Variants in TTC39A observed in about 807,000 individuals in gnomAD.
TTC39A encodes tetratricopeptide repeat protein 39A.
Under a neutral mutation model 82.3 loss-of-function variants are expected in TTC39A, and 46 were observed. The ratio of observed to expected loss-of-function variants is 0.56; its 90% CI spans 0.44 to 0.71. The LOEUF is 0.71. Ranked by LOEUF, TTC39A falls within the 30% of genes least tolerant of loss-of-function variation. TTC39A has a pLI of 0.00. For synonymous variants in TTC39A, 254 were observed against 275.2 expected (o/e 0.92, Z 0.76); for missense variants, 543 against 712.9 (o/e 0.76, Z 2.71).
upstream of TTC39A, chr1:51,331,067 GCCTTCTC>G (rs1240930338): frequency 3.1e-6 from 3 of 980,794 alleles, no homozygotes; most frequent in Non-Finnish European, 3.2e-6. Flanking sequence ...AGTTCACACT[GCCTTCTC>G]AAATGATCCC....
intron 3 of TTC39A, among the ~76,000 whole-genome samples, 165 bp from the exon 4 acceptor site, chr1:51,312,360 T>C (rs879168285): frequency 6.6e-6 from 1 of 152,102 alleles, no homozygotes; most frequent in Non-Finnish European, 1.5e-5. Flanking sequence ...GGCAAAAAAG[T>C]CACTTAACTT....
rs1645849749 is a variant in TTC39A, at chr1:51,330,131, A to T, written c.41+306T>A. ...AGAGTAACAGGGCCCACCCCACAGGAGTGAACGCCACGAGGCAGGTGGGGA... is the reference window on the plus strand; with the variant it reads ...AGAGTAACAGGGCCCACCCCACAGGTGTGAACGCCACGAGGCAGGTGGGGA... On this transcript the variant is annotated intron_variant, in intron 1 of 17. Coordinates refer to ENST00000680483, the MANE Select transcript of TTC39A (RefSeq NM_001297663.2). This position sits in a 1 kb window ranked among gnomAD's most constrained non-coding sequence, Gnocchi z 4.5. 1 of 985,296 alleles carries T rather than the reference A, an allele frequency of 1.0e-6. No individual in the cohort carries two copies. Among genetic ancestry groups the T allele is most frequent in the Non-Finnish European group, 1.2e-6 (1 of 829,932 alleles). 61.0% of individuals were successfully genotyped at this position (985,296 alleles called of 1,614,324 possible).
Position 51,312,795 on chromosome 1 carries a change from C to G in TTC39A, c.278+17G>C, listed in dbSNP as rs773059284. The G allele has an allele frequency of 1.2e-6, 2 of 1,610,698 alleles. No homozygotes were observed. The highest frequency in any genetic ancestry group is 3.3e-5 in the Admixed American group (2 of 59,906). ...TGGGCCTCCCAACCTCTGATCCCTG[C>G]CCCCAATGCCCCCAACCTCTGACAC... On this transcript the variant is annotated intron_variant, in intron 3 of 17. Coordinates refer to ENST00000680483, the MANE Select transcript of TTC39A (RefSeq NM_001297663.2).
At chr1:51,305,196 G>A in intron 7 of TTC39A, 50 bp from the exon 8 acceptor site, 1 of 1,579,104 alleles carries the variant, frequency 6.3e-7, no homozygotes, top group East Asian at 2.2e-5. Context: ...GAGTGGGCAG[G>A]GGCCACCCCC....
intron 7 of TTC39A, 142 bp downstream of exon 7, chr1:51,305,835 A>G: frequency 1.3e-6 from 1 of 789,572 alleles, no homozygotes; most frequent in Non-Finnish European, 2.1e-6. Flanking sequence ...AAGGCTGGCC[A>G]CATGTCTGGT....
intron 2 of TTC39A, among the ~76,000 whole-genome samples, chr1:51,317,933 C>A (rs549145839): frequency 6.6e-6 from 1 of 152,150 alleles, no homozygotes; most frequent in Admixed American, 6.5e-5. Context: ...CTGAGTGCTA[C>A]AGGACTCCTG....
At chr1:51,336,107 G>A (rs1645971571), upstream of TTC39A, among the ~76,000 whole-genome samples, 1 of 152,000 alleles carries the variant, frequency 6.6e-6, no homozygotes, top group South Asian at 2.1e-4. Context: ...CACTGAACTG[G>A]TGACTGTAAA....
At chr1:51,313,520 A>G (rs1645165694) in intron 2 of TTC39A, among the ~76,000 whole-genome samples, 1 of 152,114 alleles carries the variant, frequency 6.6e-6, no homozygotes, top group Non-Finnish European at 1.5e-5. Context: ...CCGGGGCTAA[A>G]GCTCCATGAG....
Position 51,288,788 on chromosome 1 carries a change from G to A in TTC39A, c.1610+51C>T, listed in dbSNP as rs1644089017. ...GCAACTCTGTCCCCAGCCAGCTCCT[G>A]AGCTGAGTTCAGAGGGAGCAAAGGA... On this transcript the variant is annotated intron_variant, in intron 17 of 17. Transcript: ENST00000680483. The surrounding 1 kb of genome is among the most constrained non-coding windows in gnomAD (Gnocchi z 4.8). 1 of 1,524,024 alleles carries A rather than the reference G, an allele frequency of 6.6e-7. No individual in the cohort carries two copies. Among genetic ancestry groups the A allele is most frequent in the African/African-American group, 1.4e-5 (1 of 72,794 alleles). 94.4% of individuals were successfully genotyped at this position (1,524,024 alleles called of 1,614,324 possible).
upstream of TTC39A, chr1:51,330,916 C>T (rs1183671276): frequency 3.3e-6 from 2 of 609,994 alleles, no homozygotes; most frequent in South Asian, 3.7e-5. The surrounding 1 kb of genome is among the most constrained non-coding windows in gnomAD (Gnocchi z 4.5). Context: ...ACCATCCTCC[C>T]GCATTAATGG....
In TTC39A at chr1:51,309,386, A is replaced by T. The variant is rs756546271; in HGVS notation, c.424-61T>A. ...GTGGGCAGCTGCAGGCGTGAGAGGG[A>T]TCATGCAAGGCTCTGGGCCTGACTG... On this transcript the variant is annotated intron_variant, in intron 5 of 17. Coordinates refer to ENST00000680483, the MANE Select transcript of TTC39A (RefSeq NM_001297663.2). 3.7e-6 allele frequency: 6 copies of T among 1,611,320 alleles called. No homozygotes were observed. In the Admixed American group the frequency reaches 6.7e-5, roughly 18 times the overall value.
chr1:51,330,411 C>T lies in TTC39A; in HGVS notation c.41+26G>A. ...GGCCCCAGCCCGCGCCGCCCGCGCC[C>T]CCGGGCCTCCCAGCCGCGCACTTAC... On this transcript the variant is annotated intron_variant, in intron 1 of 17. Coordinates refer to ENST00000680483, the MANE Select transcript of TTC39A (RefSeq NM_001297663.2). The surrounding 1 kb of genome is among the most constrained non-coding windows in gnomAD (Gnocchi z 4.5). 4 of 980,338 alleles carry T rather than the reference C, an allele frequency of 4.1e-6. No homozygotes were observed. Among genetic ancestry groups the T allele is most frequent in the Non-Finnish European group, 4.8e-6 (4 of 828,754 alleles). The allele number at this position is 980,338 out of a possible 1,614,324, so 60.7% of individuals were successfully genotyped here.
At chr1:51,290,258 T>G in intron 15 of TTC39A, 139 bp from the exon 16 acceptor site, 1 of 820,110 alleles carries the variant, frequency 1.2e-6, no homozygotes, top group Non-Finnish European at 1.9e-6. Context: ...GGGTCACATC[T>G]AAGAAGGAAA....
At chr1:51,295,040 C>T (rs890113294) in intron 13 of TTC39A, among the ~76,000 whole-genome samples, 4 of 152,306 alleles carry the variant, frequency 2.6e-5, no homozygotes, top group East Asian at 1.9e-4. Flanking sequence ...CACCCACCAG[C>T]TCCATCCCAC....
chr1:51,341,300 T>C (rs978829604), intron 1 of TTC39A, among the ~76,000 whole-genome samples: 1 of 150,872 alleles, frequency 6.6e-6, no homozygotes, highest in Non-Finnish European at 1.5e-5. Context: ...CTGACAGCCA[T>C]GCCTTGTACT....
intron 6 of TTC39A, 148 bp downstream of exon 6, chr1:51,309,113 G>C: frequency 1.1e-6 from 1 of 924,248 alleles, no homozygotes; most frequent in East Asian, 3.1e-5. Context: ...GAGGTCCTGA[G>C]GGCATGGAAA....
upstream of TTC39A, among the ~76,000 whole-genome samples, chr1:51,334,218 G>C (rs568561135): frequency 6.8e-6 from 1 of 146,422 alleles, no homozygotes; most frequent in Non-Finnish European, 1.5e-5. Flanking sequence ...AAAAAAAAAG[G>C]CCAGGCCAGT....
Position 51,290,104 on chromosome 1 carries a change from A to G in TTC39A, c.1394T>C (p.Val465Ala), listed in dbSNP as rs1644146962. The change falls in exon 16 of 18, where the codon GTG becomes GCG. Residue 465 changes from valine (V) to alanine (A), a missense_variant. Val to Ala is a moderately conservative substitution (Grantham distance 64). Transcript: ENST00000680483. ...CAATTTCACCAAGCACTCGTCATCC[A>G]CTGAGTACTCGTTCTCTGAAAATAG... ...LEKGPENEYS[V>A]DDECLVKLLK... The G allele has an allele frequency of 6.2e-7, 1 of 1,613,720 alleles. No individual in the cohort carries two copies.
At chr1:51,344,272 G>A (rs1288528611) in intron 1 of TTC39A, among the ~76,000 whole-genome samples, 1 of 152,178 alleles carries the variant, frequency 6.6e-6, no homozygotes, top group East Asian at 1.9e-4. Context: ...GCACAGCAGG[G>A]TGAACTTTAA....
Sources: gnomAD v4.1 joint callset for allele counts (sites outside exome capture counted in the v4.1 genomes callset) on GRCh38, gnomAD v4.1.1 for gene constraint, Gnocchi (gnomAD v3.1) non-coding constraint, MANE v1.5 for transcripts, NCBI Gene and HGNC (gene_info 2026-07-23, HGNC 2026-07-21) for gene names.